Variants in TENM1 observed in about 807,000 individuals in gnomAD.
TENM1 encodes the protein teneurin transmembrane protein 1.
TENM1 carries 35 observed loss-of-function variants against 174.8 expected under a neutral mutation model. The ratio of observed to expected loss-of-function variants is 0.20; its 90% confidence interval spans 0.15 to 0.27. The LOEUF is 0.27. TENM1 is among the 10% of genes least tolerant of loss of function. The pLI is 1.00. For synonymous variants in TENM1, 781 were observed against 798.7 expected (o/e 0.98, Z 0.37); for missense variants, 1,633 against 2,130.1 (o/e 0.77, Z 4.59).
At chrX:124,407,092 A>G (rs1315950938) in intron 25 of TENM1, among the ~76,000 whole-genome samples, 1 of 111,287 alleles carries the variant, frequency 9.0e-6, no homozygotes, top group East Asian at 2.8e-4. Flanking sequence ...AATTTTAAAA[A>G]TCTTTTTAGG....
intron 3 of TENM1, among the ~76,000 whole-genome samples, chrX:124,795,709 C>CT (rs375107115): frequency 0.016 from 1,690 of 102,629 alleles, 33 homozygotes; most frequent in African/African-American, 0.055. Flanking sequence ...GTGGCAGTTT[C>CT]TTTTTTTTTT....
chrX:124,583,044 G>A (rs1221686229), intron 11 of TENM1, among the ~76,000 whole-genome samples: 2 of 112,415 alleles, frequency 1.8e-5, no homozygotes, highest in Admixed American at 9.3e-5. Context: ...CTCGAACTGG[G>A]TGGAGCCCAC....
the TENM1 span, among the ~76,000 whole-genome samples, chrX:124,995,144 A>G: frequency 0.075 from 8,333 of 110,529 alleles, 774 homozygotes; most frequent in African/African-American, 0.25. Context: ...TGCTTAGTTT[A>G]CTAATCATAA....
At chrX:124,701,632 T>G (rs1232518293) in intron 5 of TENM1, among the ~76,000 whole-genome samples, 1 of 112,435 alleles carries the variant, frequency 8.9e-6, no homozygotes, top group Non-Finnish European at 1.9e-5. Flanking sequence ...ATGGAAAATA[T>G]TACAGATTTA....
At chrX:124,692,935 G>A (rs139173597) in intron 5 of TENM1, among the ~76,000 whole-genome samples, 1,835 of 102,378 alleles carry the variant, frequency 0.018, 17 homozygotes, top group South Asian at 0.028. Context: ...TTGAACTTGG[G>A]AGGTGGAGGT....
rs2058433646 is a variant in TENM1 at position 124,948,448 on chromosome X, T to A, written c.217+15089A>T. On this transcript the variant is annotated intron_variant, in intron 1 of 31. Coordinates refer to ENST00000422452, the Ensembl canonical transcript of TENM1. ...GCAAGACTCTTCTAAACCAACTGAT[T>A]AATGTGCATAAAAAAGATAAATGTT... Among the ~76,000 whole-genome samples the A allele has an allele frequency of 3.5e-5, 4 of 113,112 alleles. No homozygotes were observed. The South Asian group carries it at 1.4e-3, about 41-fold the overall frequency.
At chrX:124,843,306 G>T (rs931119130) in intron 3 of TENM1, among the ~76,000 whole-genome samples, 1 of 111,563 alleles carries the variant, frequency 9.0e-6, no homozygotes, top group Admixed American at 9.5e-5. Context: ...TCAAACCCAT[G>T]TCAACTTCAT....
chrX:124,815,158 A>G (rs1226193667), intron 3 of TENM1, among the ~76,000 whole-genome samples: 3 of 111,792 alleles, frequency 2.7e-5, no homozygotes, highest in Admixed American at 1.9e-4. Flanking sequence ...AGGCTACTGC[A>G]TCAATATCTT....
At chrX:124,965,688 A>G (rs1391757759), upstream of TENM1, among the ~76,000 whole-genome samples, 1 of 102,573 alleles carries the variant, frequency 9.7e-6, no homozygotes, top group African/African-American at 4.5e-5. Context: ...GCAGATATGA[A>G]CATATACATA....
At chrX:125,027,314 C>T in the TENM1 span, among the ~76,000 whole-genome samples, 1 of 111,135 alleles carries the variant, frequency 9.0e-6, no homozygotes, top group African/African-American at 3.3e-5. Context: ...GTTCCATTTA[C>T]AGTATTAACG....
At chrX:124,850,524 AG>A (rs1435882104) in intron 3 of TENM1, among the ~76,000 whole-genome samples, 28 of 111,344 alleles carry the variant, frequency 2.5e-4, no homozygotes, top group African/African-American at 7.5e-4. Context: ...GCCGCACACT[AG>A]GATATGGCAC....
At chrX:124,383,887 A>G in exon 30 of TENM1, 2 of 1,211,560 alleles carry the variant, frequency 1.7e-6, no homozygotes, top group Non-Finnish European at 2.2e-6. Context: ...TATCGCCATA[A>G]GGTGTGTATA....
intron 22 of TENM1, among the ~76,000 whole-genome samples, chrX:124,473,870 C>T (rs998674004): frequency 8.9e-5 from 10 of 111,771 alleles, no homozygotes; most frequent in East Asian, 2.8e-4. Context: ...TGAAATAGTA[C>T]GCTGCTAAGG....
chrX:124,643,529 C>T (rs2051071678), intron 10 of TENM1, among the ~76,000 whole-genome samples: 1 of 111,481 alleles, frequency 9.0e-6, no homozygotes, highest in South Asian at 3.8e-4. Flanking sequence ...TAGGAATTCT[C>T]ATGTGGCAGT....
At chrX:124,443,562 A>G (rs756970700) in intron 23 of TENM1, among the ~76,000 whole-genome samples, 11 of 112,212 alleles carry the variant, frequency 9.8e-5, no homozygotes, top group Admixed American at 1.9e-4. Context: ...AGTGGGCACC[A>G]GAAGATTAGA....
chrX:125,194,236 T>G, the TENM1 span, among the ~76,000 whole-genome samples: 2 of 111,452 alleles, frequency 1.8e-5, no homozygotes, highest in Admixed American at 1.9e-4. Context: ...TTACCTAGTT[T>G]CCCAAGACAA....
intron 3 of TENM1, among the ~76,000 whole-genome samples, chrX:124,823,540 G>A (rs1444839685): frequency 1.8e-5 from 2 of 110,090 alleles, no homozygotes; most frequent in Admixed American, 9.7e-5. Context: ...CCTTTTGCCC[G>A]GCAAAGGAGA....
chrX:124,523,392 T>A (rs756093069), exon 17 of TENM1: 1 of 1,211,719 alleles, frequency 8.3e-7, no homozygotes, highest in South Asian at 1.8e-5. Flanking sequence ...AGTTCCCCTC[T>A]CTGGACAGGA....
chrX:124,826,715 T>A (rs1331462340), intron 3 of TENM1, among the ~76,000 whole-genome samples: 2 of 112,052 alleles, frequency 1.8e-5, no homozygotes, highest in Non-Finnish European at 3.8e-5. Context: ...CATTTTTATA[T>A]TTTTCTGTAC....
Sources: allele counts gnomAD v4.1 joint callset (sites outside exome capture counted in the v4.1 genomes callset), GRCh38; gene constraint gnomAD v4.1.1; transcripts MANE v1.5; gene names NCBI Gene and HGNC (gene_info 2026-07-23, HGNC 2026-07-21).